Variants in MMP26 observed in about 807,000 individuals in gnomAD.
The protein encoded by MMP26 is matrix metallopeptidase 26, also known as matrix metalloproteinase-26.
In MMP26, 33 loss-of-function variants were observed where a neutral mutation model predicts 31.0. That is an observed-to-expected ratio of 1.06 (90% CI 0.81 to 1.42). The LOEUF (loss-of-function observed/expected upper bound fraction) is 1.42, where lower values mean the gene tolerates loss of function less well. Ranked by LOEUF, MMP26 falls within the 40% of genes most tolerant of loss-of-function variation. The pLI is 0.00. For synonymous variants in MMP26, 122 were observed against 114.9 expected (o/e 1.06, Z -0.40); for missense variants, 347 against 316.1 (o/e 1.10, Z -0.74).
intron 1 of MMP26, among the ~76,000 whole-genome samples, chr11:4,727,462 T>C (rs1481248779): frequency 6.6e-6 from 1 of 152,140 alleles, no homozygotes; most frequent in Admixed American, 6.5e-5. Context: ...TTGAAAAAAA[T>C]CTGTATTTTT....
intron 2 of MMP26, among the ~76,000 whole-genome samples, chr11:4,823,701 A>G (rs1165741583): frequency 6.6e-6 from 1 of 152,132 alleles, no homozygotes; most frequent in African/African-American, 2.4e-5. Flanking sequence ...GTGCTTTTTG[A>G]CCTTGTCCAT....
chr11:4,925,272 C>T (rs191773607), intron 2 of MMP26, among the ~76,000 whole-genome samples: 2 of 152,092 alleles, frequency 1.3e-5, no homozygotes, highest in Admixed American at 6.5e-5. Flanking sequence ...TGTTATTGGA[C>T]ATTAAACCGT....
intron 1 of MMP26, among the ~76,000 whole-genome samples, chr11:4,722,470 C>CTTTT (rs60627073): frequency 6.9e-4 from 44 of 63,984 alleles, no homozygotes; most frequent in Non-Finnish European, 1.1e-3. Context: ...GAAGTAATTA[C>CTTTT]TTTTTTTTTT....
chr11:4,972,217 T>C (rs1372830104), intron 2 of MMP26, among the ~76,000 whole-genome samples: 1 of 152,152 alleles, frequency 6.6e-6, no homozygotes, highest in East Asian at 1.9e-4. Flanking sequence ...GCATGACTCT[T>C]GCTAAAATCG....
chr11:4,879,687 A>T (rs374691364), intron 2 of MMP26, among the ~76,000 whole-genome samples: 3 of 152,156 alleles, frequency 2.0e-5, no homozygotes, highest in Non-Finnish European at 4.4e-5. Context: ...TTTCTGAAGC[A>T]TATTATGTGT....
At chr11:4,771,980 T>A (rs1268575402) in intron 2 of MMP26, among the ~76,000 whole-genome samples, 1 of 152,142 alleles carries the variant, frequency 6.6e-6, no homozygotes, top group Non-Finnish European at 1.5e-5. Flanking sequence ...CAGCTTTACG[T>A]GGAAAGAGGA....
chr11:4,779,353 G>A lies in MMP26; in HGVS notation c.-145+12012G>A, dbSNP rs1051713297. On this transcript the variant is annotated intron_variant, in intron 2 of 7. Transcript: ENST00000380390. ...TTATTTTATTAATGTGGTAAGATACGTTGCACGATTTTTAAATGTTCTTAC... is the reference window on the plus strand; with the variant it reads ...TTATTTTATTAATGTGGTAAGATACATTGCACGATTTTTAAATGTTCTTAC... Among the ~76,000 whole-genome samples the A allele has an allele frequency of 1.4e-4, 22 of 151,942 alleles. No individual in the cohort carries two copies. In the South Asian group the frequency reaches 1.9e-3, roughly 13 times the overall value.
intron 2 of MMP26, among the ~76,000 whole-genome samples, chr11:4,976,432 A>G (rs143591819): frequency 6.6e-6 from 1 of 152,142 alleles, no homozygotes; most frequent in Non-Finnish European, 1.5e-5. Context: ...AGGATAAAAT[A>G]CCCATCTTAA....
At chr11:4,883,472 A>G (rs1442137979) in intron 2 of MMP26, among the ~76,000 whole-genome samples, 1 of 152,072 alleles carries the variant, frequency 6.6e-6, no homozygotes, top group Non-Finnish European at 1.5e-5. Context: ...TTTTCTTCTT[A>G]TAGAAGTGAT....
chr11:4,772,482 C>G (rs1245935085), intron 2 of MMP26, among the ~76,000 whole-genome samples: 1 of 152,148 alleles, frequency 6.6e-6, no homozygotes, highest in African/African-American at 2.4e-5. Flanking sequence ...TGTCCATTCT[C>G]AAATCCATTC....
At chr11:4,882,485 A>G (rs1850486563) in intron 2 of MMP26, 4 of 1,613,828 alleles carry the variant, frequency 2.5e-6, no homozygotes, top group Non-Finnish European at 2.5e-6. Context: ...CAAACCTTGG[A>G]TCAGCAGTTT....
intron 1 of MMP26, among the ~76,000 whole-genome samples, chr11:4,707,060 G>C (rs139098742): frequency 3.2e-4 from 48 of 152,270 alleles, no homozygotes; most frequent in African/African-American, 1.1e-3. Context: ...ATACCTCTTT[G>C]ACTAACTGAT....
At chr11:4,860,661 G>C in intron 2 of MMP26, 1 of 357,202 alleles carries the variant, frequency 2.8e-6, no homozygotes, top group Non-Finnish European at 5.6e-6. Context: ...ATGGCTTTAT[G>C]AATGCATAGT....
chr11:4,847,032 C>T (rs2133495488), intron 2 of MMP26, among the ~76,000 whole-genome samples: 1 of 152,174 alleles, frequency 6.6e-6, no homozygotes, highest in East Asian at 1.9e-4. Flanking sequence ...CAGGTTTGCA[C>T]CATGTACCTC....
intron 1 of MMP26, chr11:4,719,577 T>C (rs1282451612): frequency 2.0e-5 from 3 of 152,456 alleles, no homozygotes; most frequent in African/African-American, 7.2e-5. Flanking sequence ...ACCTTTCAAT[T>C]TTTTCTAGTC....
At chr11:4,882,325 G>A (rs1227457341) in intron 2 of MMP26, 1 of 1,613,886 alleles carries the variant, frequency 6.2e-7, no homozygotes, top group South Asian at 1.1e-5. Flanking sequence ...CAGACAGGAT[G>A]GTCCTGGTGA....
intron 2 of MMP26, chr11:4,924,425 G>A: frequency 7.2e-7 from 1 of 1,379,638 alleles, no homozygotes; most frequent in East Asian, 2.3e-5. Context: ...TCACCTAAAT[G>A]TCCCAAGATC....
intron 2 of MMP26, chr11:4,769,157 T>C (rs2133419575): frequency 6.2e-7 from 1 of 1,613,800 alleles, no homozygotes; most frequent in Non-Finnish European, 8.5e-7. Context: ...CATGTGGATG[T>C]AGAAGAAAGC....
In MMP26 at chr11:4,744,335, G is replaced by C. The variant is rs1589888974; in HGVS notation, c.-216-22935G>C. Among the ~76,000 whole-genome samples, 4 of 152,070 alleles carry C rather than the reference G, an allele frequency of 2.6e-5. No individual in the cohort carries two copies. In the South Asian group the frequency reaches 6.2e-4, roughly 24 times the overall value. ...ATAAAATACTAGGACATTTCCTATT[G>C]TAAATTCTTAATTCAAAGGCAATTC... On this transcript the variant is annotated intron_variant, in intron 1 of 7. Coordinates refer to ENST00000380390, the MANE Select transcript of MMP26 (RefSeq NM_021801.5).
Sources: allele counts gnomAD v4.1 joint callset (sites outside exome capture counted in the v4.1 genomes callset), GRCh38; gene constraint gnomAD v4.1.1; transcripts MANE v1.5; gene names NCBI Gene and HGNC (gene_info 2026-07-23, HGNC 2026-07-21).